Variants in GPHN observed in about 807,000 individuals in gnomAD.
GPHN encodes the protein gephyrin.
A neutral mutation model predicts 95.5 loss-of-function variants in GPHN; 17 were observed. That is an observed-to-expected ratio of 0.18 (90% CI 0.12 to 0.27). The LOEUF (loss-of-function observed/expected upper bound fraction) is 0.27, where lower values mean the gene tolerates loss of function less well. GPHN is among the 10% of genes least tolerant of loss of function. The pLI is 1.00. For missense variants in GPHN, 660 were observed against 978.1 expected (o/e 0.67, Z 4.34); for synonymous variants, 320 against 322.5 (o/e 0.99, Z 0.08).
At chr14:67,205,612 A>G in the GPHN span, among the ~76,000 whole-genome samples, 3 of 152,230 alleles carry the variant, frequency 2.0e-5, no homozygotes, top group Non-Finnish European at 4.4e-5. Flanking sequence ...CAGAGAGTGG[A>G]AAAACAGAGA....
At chr14:67,071,092 A>G (rs1256519667) in intron 11 of GPHN, among the ~76,000 whole-genome samples, 1 of 152,182 alleles carries the variant, frequency 6.6e-6, no homozygotes, top group Non-Finnish European at 1.5e-5. Context: ...TCAAGGATCT[A>G]GAACTAGAAA....
chr14:66,872,309 T>G (rs1215267905), intron 4 of GPHN, among the ~76,000 whole-genome samples: 2 of 152,186 alleles, frequency 1.3e-5, no homozygotes, highest in Non-Finnish European at 2.9e-5. Flanking sequence ...TTTGCCTTTC[T>G]ACTTATTTAC....
At chr14:66,535,669 T>C (rs1395475402) in intron 1 of GPHN, among the ~76,000 whole-genome samples, 1 of 152,150 alleles carries the variant, frequency 6.6e-6, no homozygotes, top group Non-Finnish European at 1.5e-5. Context: ...TGTAGAGGTT[T>C]CGCATATCAT....
the GPHN span, chr14:67,360,299 C>T: frequency 2.5e-6 from 1 of 398,652 alleles, no homozygotes; most frequent in Non-Finnish European, 4.4e-6. Flanking sequence ...TCTATTCGTT[C>T]AGCGCTTGCG....
chr14:66,952,407 C>G (rs1018111797), intron 8 of GPHN, among the ~76,000 whole-genome samples: 5 of 152,082 alleles, frequency 3.3e-5, no homozygotes, highest in African/African-American at 1.2e-4. Context: ...GTAAGGTATA[C>G]TGCATTTAGT....
the GPHN span, among the ~76,000 whole-genome samples, chr14:67,300,645 A>T: frequency 1.3e-5 from 2 of 151,974 alleles, no homozygotes; most frequent in African/African-American, 4.8e-5. Flanking sequence ...AGATTTTCTT[A>T]ATCAGTCTTT....
At chr14:67,245,152 TA>T in the GPHN span, among the ~76,000 whole-genome samples, 607 of 152,340 alleles carry the variant, frequency 4.0e-3, 5 homozygotes, top group Non-Finnish European at 5.7e-3. Flanking sequence ...TATAGGACTG[TA>T]AAATAATTTC....
intron 8 of GPHN, among the ~76,000 whole-genome samples, chr14:66,947,669 G>C (rs1020605425): frequency 1.3e-5 from 2 of 152,154 alleles, no homozygotes; most frequent in African/African-American, 4.8e-5. Context: ...TATAAGAATT[G>C]TTCCATGGCC....
the GPHN span, among the ~76,000 whole-genome samples, chr14:67,431,422 C>T: frequency 4.8e-5 from 5 of 104,192 alleles, no homozygotes; most frequent in African/African-American, 1.1e-4. Context: ...AAAAAAAAAA[C>T]GGTTTAGTGT....
At chr14:66,836,523 A>G (rs1411013576) in intron 4 of GPHN, among the ~76,000 whole-genome samples, 2 of 138,862 alleles carry the variant, frequency 1.4e-5, no homozygotes, top group African/African-American at 6.0e-5. Flanking sequence ...CATTCAGGAC[A>G]TAGGCATGGG....
intron 1 of GPHN, among the ~76,000 whole-genome samples, chr14:66,666,471 G>A (rs1033579062): frequency 6.6e-6 from 1 of 151,374 alleles, no homozygotes; most frequent in African/African-American, 2.4e-5. Flanking sequence ...TGCAAACTTG[G>A]TTCATCATTG....
intron 1 of GPHN, among the ~76,000 whole-genome samples, chr14:66,639,613 T>G (rs1440046583): frequency 7.9e-6 from 1 of 125,904 alleles, no homozygotes. Context: ...TGGTGATGAT[T>G]ATTTTTTTTT....
chr14:67,583,749 T>C, the GPHN span: 1 of 1,611,162 alleles, frequency 6.2e-7, no homozygotes, highest in Non-Finnish European at 8.5e-7. Context: ...AGGTAGAATA[T>C]GGGGACTTGG....
intron 3 of GPHN, among the ~76,000 whole-genome samples, 187 bp downstream of exon 3, chr14:66,776,708 A>G (rs911196226): frequency 2.6e-5 from 4 of 152,228 alleles, no homozygotes; most frequent in Middle Eastern, 3.4e-3. Flanking sequence ...GCCATTTGCA[A>G]TGAATTTCTG....
the GPHN span, among the ~76,000 whole-genome samples, chr14:67,304,916 T>C: frequency 2.0e-5 from 3 of 152,238 alleles, no homozygotes; most frequent in African/African-American, 4.8e-5. Context: ...GTTTCATTTT[T>C]CTCTCAATAT....
chr14:67,299,475 G>C, the GPHN span, among the ~76,000 whole-genome samples: 1 of 152,020 alleles, frequency 6.6e-6, no homozygotes. Flanking sequence ...AAAATAATTA[G>C]TTTTAAAATA....
intron 11 of GPHN, chr14:67,059,018 A>AG: frequency 1.8e-6 from 1 of 556,816 alleles, no homozygotes; most frequent in African/African-American, 1.9e-5. Context: ...AAAAAGGAAA[A>AG]AAAAAAAAAA....
At chr14:67,052,966 T>C (rs1293333907) in intron 10 of GPHN, among the ~76,000 whole-genome samples, 3 of 151,828 alleles carry the variant, frequency 2.0e-5, no homozygotes, top group Admixed American at 6.6e-5. Flanking sequence ...GGGCAAGTTA[T>C]AGCACTAAAT....
At chr14:67,592,654 T>C in the GPHN span, 1 of 1,604,002 alleles carries the variant, frequency 6.2e-7, no homozygotes, top group Non-Finnish European at 8.5e-7. Context: ...GGGTACTACT[T>C]GGGATATCCC....
Sources: gnomAD v4.1 joint callset for allele counts (sites outside exome capture counted in the v4.1 genomes callset) on GRCh38, gnomAD v4.1.1 for gene constraint, MANE v1.5 for transcripts, NCBI Gene and HGNC (gene_info 2026-07-23, HGNC 2026-07-21) for gene names.